The following PPP1R15B variants were observed in gnomAD, a reference collection of about 807,000 sequenced individuals.
PPP1R15B encodes protein phosphatase 1 regulatory subunit 15B.
Under a neutral mutation model 53.9 loss-of-function variants are expected in PPP1R15B, and 31 were observed. That is an observed-to-expected ratio of 0.58 (90% CI 0.43 to 0.78). The LOEUF is 0.78. Ranked by LOEUF, PPP1R15B falls within the 30% of genes least tolerant of loss-of-function variation. PPP1R15B has a pLI of 0.00. For synonymous variants in PPP1R15B, 345 were observed against 329.1 expected, an observed-to-expected ratio of 1.05 and a Z score of -0.52; for missense variants, 928 against 849.6, an observed-to-expected ratio of 1.09 and a Z score of -1.15.
At chr1:204,396,172 G>A (rs751307633), downstream of PPP1R15B, among the ~76,000 whole-genome samples, 1 of 151,916 alleles carries the variant, frequency 6.6e-6, no homozygotes, top group South Asian at 2.1e-4. Flanking sequence ...CTGTACATCC[G>A]ATACCATTTT....
chr1:204,403,721 T>C lies in PPP1R15B; in HGVS notation c.*2371A>G, dbSNP rs1674217052. 1.0e-6 allele frequency: 1 copy of C among 984,932 alleles called. No individual in the cohort carries two copies. The allele number at this position is 984,932 out of a possible 1,614,324, so 61.0% of individuals were successfully genotyped here. On this transcript the variant is annotated 3_prime_UTR_variant, in exon 2 of 2. Transcript: ENST00000367188. ...ATGTATAAAATGTTTAATTAAAACC[T>C]CCAAAGATTTTCTCTTTAAGATTAC...
chr1:204,404,240 T>C lies in PPP1R15B; in HGVS notation c.*1852A>G. ...ACAAAACACACAGAATCCCAGCACTTTGAGAGGCCGAGGCGGGCGGATCAC... is the reference window on the plus strand; with the variant it reads ...ACAAAACACACAGAATCCCAGCACTCTGAGAGGCCGAGGCGGGCGGATCAC... On this transcript the variant is annotated 3_prime_UTR_variant, in exon 2 of 2. Coordinates refer to ENST00000367188, the MANE Select transcript of PPP1R15B (RefSeq NM_032833.5). 1.0e-6 allele frequency: 1 copy of C among 984,804 alleles called. No homozygotes were observed. Among genetic ancestry groups the C allele is most frequent in the Non-Finnish European group, 1.2e-6 (1 of 829,516 alleles). The allele number at this position is 984,804 out of a possible 1,614,324, so 61.0% of individuals were successfully genotyped here.
At chr1:204,396,353 C>CAAAAAAAAAAAAA (rs1448025124), downstream of PPP1R15B, among the ~76,000 whole-genome samples, 1 of 60,742 alleles carries the variant, frequency 1.6e-5, no homozygotes. Flanking sequence ...ACTAAAAATA[C>CAAAAAAAAAAAAA]AAAAAAAAAA....
Position 204,410,048 on chromosome 1 carries a change from T to C in PPP1R15B, c.1364A>G (p.Asp455Gly). ...GEDWDEEAED[D>G]GFDSDSSLSD... Reference sequence around the variant, plus strand: ...CAGTGAGCTATCACTATCAAAACCATCATCCTCAGCTTCCTCATCCCAATC... The same window carrying C: ...CAGTGAGCTATCACTATCAAAACCACCATCCTCAGCTTCCTCATCCCAATC... Residue 455 changes from aspartate (D) to glycine (G), a missense_variant, in exon 1 of 2, where the codon GAT becomes GGT. Asp to Gly is a moderately conservative substitution (Grantham distance 94). Coordinates refer to ENST00000367188, the MANE Select transcript of PPP1R15B (RefSeq NM_032833.5). The C allele has an allele frequency of 6.2e-7, 1 of 1,614,182 alleles. No individual in the cohort carries two copies. Among genetic ancestry groups the C allele is most frequent in the Non-Finnish European group, 8.5e-7 (1 of 1,180,030 alleles).
rs1280607541 is a variant in PPP1R15B at position 204,410,496 on chromosome 1, G to C, written c.916C>G (p.Gln306Glu). Residue 306 changes from glutamine (Q) to glutamate (E), a missense_variant, in exon 1 of 2, where the codon CAG (glutamine) becomes GAG (glutamate). Gln to Glu is a conservative substitution (Grantham distance 29, BLOSUM62 2). Coordinates refer to ENST00000367188, the MANE Select transcript of PPP1R15B (RefSeq NM_032833.5). ...LRMKRLEFLQ[Q>E]ASKGQDLPTP... ...GGTAAATCTTGCCCCTTGCTAGCCTGTTGAAGGAATTCCAGCCGTTTCATG... is the reference window on the plus strand; with the variant it reads ...GGTAAATCTTGCCCCTTGCTAGCCTCTTGAAGGAATTCCAGCCGTTTCATG... The C allele has an allele frequency of 2.5e-6, 4 of 1,614,182 alleles. No homozygotes were observed. In the South Asian group the frequency reaches 4.4e-5, roughly 18 times the overall value.
chr1:204,409,707 A>C lies in PPP1R15B; in HGVS notation c.1705T>G (p.Leu569Val). The stretch of plus-strand genomic sequence containing the variant: ...GTTTGAAAAGGAGCCTTAAAATTTA[A>C]AGGGTTGTAGGGGTCATCAGAATTA... ...FCNSDDPYNP[L>V]NFKAPFQTSG... Residue 569 changes from leucine to valine, a missense_variant, in exon 1 of 2, where the codon TTA (leucine) becomes GTA (valine). Coordinates refer to ENST00000367188, the MANE Select transcript of PPP1R15B (RefSeq NM_032833.5). The C allele has an allele frequency of 6.2e-7, 1 of 1,614,066 alleles. No homozygotes were observed. The highest frequency in any genetic ancestry group is 8.5e-7 in the Non-Finnish European group (1 of 1,180,020).
Position 204,411,148 on chromosome 1 carries a change from G to A in PPP1R15B, c.264C>T (p.Phe88=). Residue 88 remains phenylalanine, a synonymous_variant, in exon 1 of 2, where the codon TTC becomes TTT. Coordinates refer to ENST00000367188, the MANE Select transcript of PPP1R15B (RefSeq NM_032833.5). The part of the protein sequence containing the change: ...LQKVLIWSQL[F]GGMFPTRWLD... The stretch of plus-strand genomic sequence containing the variant: ...GCCATCTGGTCGGAAACATTCCACC[G>A]AAAAGTTGGCTCCAAATTAGCACCT... The A allele has an allele frequency of 1.9e-6, 3 of 1,614,244 alleles. No homozygotes were observed. Among genetic ancestry groups the A allele is most frequent in the Non-Finnish European group, 2.5e-6 (3 of 1,180,034 alleles).
At chr1:204,407,202 T>C (rs1304069538) in intron 1 of PPP1R15B, among the ~76,000 whole-genome samples, 3 of 152,246 alleles carry the variant, frequency 2.0e-5, no homozygotes, top group Non-Finnish European at 4.4e-5. Flanking sequence ...TTGTACTATT[T>C]TTGTATCATT....
chr1:204,404,869 G>A lies in PPP1R15B; in HGVS notation c.*1223C>T. ...AATAAACCAAACACAAACAGTCAAT[G>A]CAAAGACTTCAATTCAAAGTAACCT... On this transcript the variant is annotated 3_prime_UTR_variant, in exon 2 of 2. Coordinates refer to ENST00000367188, the MANE Select transcript of PPP1R15B (RefSeq NM_032833.5). The A allele has an allele frequency of 1.0e-5, 10 of 985,766 alleles. No individual in the cohort carries two copies. The South Asian group carries it at 1.9e-4, about 19-fold the overall frequency. The allele number at this position is 985,766 out of a possible 1,614,324, so 61.1% of individuals were successfully genotyped here. A position where few individuals can be genotyped will look rare whatever the true frequency, so the allele number is the denominator to read the frequency against.
chr1:204,409,817 G>A lies in PPP1R15B; in HGVS notation c.1595C>T (p.Thr532Ile), dbSNP rs1053303104. The change falls in exon 1 of 2, where the codon ACC becomes ATC. Residue 532 changes from threonine (T) to isoleucine (I), a missense_variant. Transcript: ENST00000367188. ...TTCCTCCCCAGAACTATGCTCAGGGGTCTCAGGAAGGCTTCCAGACTGGGA... is the reference window on the plus strand; with the variant it reads ...TTCCTCCCCAGAACTATGCTCAGGGATCTCAGGAAGGCTTCCAGACTGGGA... ...NSSQSGSLPE[T>I]PEHSSGEEDD... is the part of the protein sequence containing the mutation. The A allele has an allele frequency of 7.4e-6, 12 of 1,614,206 alleles. No homozygotes were observed. In the East Asian group the frequency reaches 1.1e-4, roughly 15 times the overall value.
chr1:204,399,702 C>G (rs73061874), downstream of PPP1R15B, among the ~76,000 whole-genome samples: 11,310 of 151,744 alleles, frequency 0.075, 485 homozygotes, highest in African/African-American at 0.11. Flanking sequence ...AGATGAGAAA[C>G]AAGTAAAAAT....
Position 204,406,278 on chromosome 1 carries a change from T to C in PPP1R15B, c.1956A>G (p.Ile652Met). The part of the protein sequence containing the change: ...TFLEEVTEYY[I>M]SGDEDRKGPW... The stretch of plus-strand genomic sequence containing the variant: ...GTCCTTTGCGATCCTCATCACCACT[T>C]ATATAATACTCAGTAACTTCTTCAA... The change falls in exon 2 of 2, where the codon ATA (isoleucine) becomes ATG (methionine). Residue 652 changes from isoleucine (I) to methionine (M), a missense_variant. Ile to Met is a conservative substitution (Grantham distance 10, BLOSUM62 1). Transcript: ENST00000367188. The C allele has an allele frequency of 6.2e-7, 1 of 1,614,028 alleles. No individual in the cohort carries two copies.
rs1434825960 is a variant in PPP1R15B, at chr1:204,404,336, T to C, written c.*1756A>G. On this transcript the variant is annotated 3_prime_UTR_variant, in exon 2 of 2. Coordinates refer to ENST00000367188, the MANE Select transcript of PPP1R15B (RefSeq NM_032833.5). Reference sequence around the variant, plus strand: ...GTCTCTACTAAAAAGACACAAAAAATTAGCCGGGCGTGGTGGTGTGTGCCT... The same window carrying C: ...GTCTCTACTAAAAAGACACAAAAAACTAGCCGGGCGTGGTGGTGTGTGCCT... The C allele has an allele frequency of 3.3e-6, 2 of 604,580 alleles. No homozygotes were observed. Among genetic ancestry groups the C allele is most frequent in the Non-Finnish European group, 4.1e-6 (2 of 482,868 alleles). The allele number at this position is 604,580 out of a possible 1,614,324, so 37.5% of individuals were successfully genotyped here.
At chr1:204,396,752 T>C (rs1381437297), downstream of PPP1R15B, among the ~76,000 whole-genome samples, 3 of 152,182 alleles carry the variant, frequency 2.0e-5, no homozygotes, top group African/African-American at 4.8e-5. Context: ...GTGAAACTTA[T>C]TGTAAATTAT....
In PPP1R15B at chr1:204,404,029, A is replaced by C; in HGVS notation, c.*2063T>G. The C allele has an allele frequency of 1.0e-6, 1 of 985,444 alleles. No homozygotes were observed. Among genetic ancestry groups the C allele is most frequent in the Non-Finnish European group, 1.2e-6 (1 of 829,914 alleles). The allele number at this position is 985,444 out of a possible 1,614,324, so 61.0% of individuals were successfully genotyped here. A position where few individuals can be genotyped will look rare whatever the true frequency, so the allele number is the denominator to read the frequency against. On this transcript the variant is annotated 3_prime_UTR_variant, in exon 2 of 2. Coordinates refer to ENST00000367188, the MANE Select transcript of PPP1R15B (RefSeq NM_032833.5). ...TTTAAGAAACAGGAAACACAACGTTAAGTCTCGGAAATAAAATGTTTCAGC... is the reference window on the plus strand; with the variant it reads ...TTTAAGAAACAGGAAACACAACGTTCAGTCTCGGAAATAAAATGTTTCAGC...
rs1309463188 is a variant in PPP1R15B, at chr1:204,411,651, G to C, written c.-240C>G. 1 of 593,602 alleles carries C rather than the reference G, an allele frequency of 1.7e-6. No individual in the cohort carries two copies. Among genetic ancestry groups the C allele is most frequent in the African/African-American group, 1.9e-5 (1 of 53,832 alleles). The allele number at this position is 593,602 out of a possible 1,614,324, so 36.8% of individuals were successfully genotyped here. ...ACTGATGCGACTTCCATCCTGGCGG[G>C]GAAGGAGGTTCCCTAGTCGGCTCGA... On this transcript the variant is annotated 5_prime_UTR_variant, in exon 1 of 2. Coordinates refer to ENST00000367188, the MANE Select transcript of PPP1R15B (RefSeq NM_032833.5).
At position 204,406,249 on chromosome 1, in the gene PPP1R15B, C is replaced by T. The variant is rs1358703735; in HGVS notation, c.1985G>A (p.Trp662Ter). 3 of 1,614,040 alleles carry T rather than the reference C, an allele frequency of 1.9e-6. No homozygotes were observed. The highest frequency in any genetic ancestry group is 2.7e-5 in the African/African-American group (2 of 74,926). ...GCATCCATCCCTTGCAAATTCTTCC[C>T]ATGGTCCTTTGCGATCCTCATCACC... ...ISGDEDRKGP[W>*]EEFARDGCRF... is the part of the protein sequence containing the mutation. The change falls in exon 2 of 2, where the codon TGG becomes TAG. Residue 662 changes from tryptophan (W) to a stop codon, truncating the protein, a stop_gained. Coordinates refer to ENST00000367188, the MANE Select transcript of PPP1R15B (RefSeq NM_032833.5). LOFTEE classifies it high-confidence loss of function.
chr1:204,411,293 A>C lies in PPP1R15B; in HGVS notation c.119T>G (p.Leu40Arg). 1.2e-6 allele frequency: 2 copies of C among 1,614,224 alleles called. No individual in the cohort carries two copies. Among genetic ancestry groups the C allele is most frequent in the Non-Finnish European group, 1.7e-6 (2 of 1,180,040 alleles). The part of the protein sequence containing the change: ...QAGSSKFPTP[L>R]GPENSGNPTL... The stretch of plus-strand genomic sequence containing the variant: ...GGGGTTCCCGGAGTTTTCCGGGCCA[A>C]GAGGCGTCGGGAACTTAGAAGAGCC... Residue 40 changes from leucine to arginine, a missense_variant, in exon 1 of 2, where the codon CTT (leucine) becomes CGT (arginine). Transcript: ENST00000367188.
chr1:204,403,270 TTC>T (rs1674208289), downstream of PPP1R15B: 1 of 324,528 alleles, frequency 3.1e-6, no homozygotes, highest in African/African-American at 2.2e-5. Flanking sequence ...AAGAACCAAG[TTC>T]TTCTATTACT....
Sources: allele counts gnomAD v4.1 joint callset (sites outside exome capture counted in the v4.1 genomes callset), GRCh38; gene constraint gnomAD v4.1.1; transcripts MANE v1.5; gene names NCBI Gene and HGNC (gene_info 2026-07-23, HGNC 2026-07-21).